The following AKAP1 variants were observed in gnomAD, a reference collection of about 807,000 sequenced individuals.
AKAP1 encodes the protein A-kinase anchor protein 1, mitochondrial.
AKAP1 carries 32 observed loss-of-function variants against 79.8 expected under a neutral mutation model. The ratio of observed to expected loss-of-function variants is 0.40; its 90% CI spans 0.30 to 0.54. AKAP1 has a LOEUF of 0.54. Among genes scored for constraint, AKAP1 ranks in the 20% least tolerant of loss-of-function variants. The probability of loss-of-function intolerance (pLI) is 0.47; values close to 1 mark genes in which losing one functional copy is unlikely to be tolerated. For missense variants in AKAP1, 961 were observed against 1,138.9 expected (o/e 0.84, Z 2.25); for synonymous variants, 416 against 466.7 (o/e 0.89, Z 1.40).
At chr17:57,116,084 C>G (rs778148349) in intron 6 of AKAP1, 27 bp from the exon 7 acceptor site, 2 of 1,606,388 alleles carry the variant, frequency 1.2e-6, no homozygotes, top group South Asian at 1.1e-5. Flanking sequence ...CCCAGGCGTT[C>G]CACGCACTCT....
In AKAP1 at chr17:57,106,094, G is replaced by T; in HGVS notation, c.630G>T (p.Leu210Phe). The change falls in exon 2 of 11, where the codon TTG (leucine) becomes TTT (phenylalanine). Residue 210 changes from leucine to phenylalanine, a missense_variant. Physicochemically the swap from Leu to Phe is conservative, Grantham distance 22. This residue lies in a region of AKAP1 where 224 missense variants were observed against 210.2 expected (regional missense o/e 1.07). Coordinates refer to ENST00000337714, the MANE Select transcript of AKAP1 (RefSeq NM_003488.4). ...GGAEGTGDAV[L>F]GEKVLEEALL... is the part of the protein sequence containing the mutation. ...CCGAAGGGACTGGTGATGCCGTGTT[G>T]GGGGAAAAGGTGCTTGAAGAAGCTC... 6.2e-7 allele frequency: 1 copy of T among 1,605,658 alleles called. No individual in the cohort carries two copies. Among genetic ancestry groups the T allele is most frequent in the Non-Finnish European group, 8.5e-7 (1 of 1,175,088 alleles).
At chr17:57,089,774 C>A (rs1286826344) in intron 1 of AKAP1, among the ~76,000 whole-genome samples, 1 of 152,146 alleles carries the variant, frequency 6.6e-6, no homozygotes, top group Non-Finnish European at 1.5e-5. Flanking sequence ...TCTAGTCTGC[C>A]AGTTGGGAGT....
chr17:57,104,244 G>T (rs534259202), intron 1 of AKAP1, among the ~76,000 whole-genome samples: 1 of 152,268 alleles, frequency 6.6e-6, no homozygotes, highest in East Asian at 1.9e-4. Flanking sequence ...TCAGGCTTCA[G>T]GCATGAGCCA....
At chr17:57,093,840 A>T (rs1281790404) in intron 1 of AKAP1, 1 of 130,256 alleles carries the variant, frequency 7.7e-6, no homozygotes, top group Admixed American at 9.2e-5. Flanking sequence ...TTTCTTTTTA[A>T]GGATTATTAT....
rs371777439 is a variant in AKAP1 at position 57,106,154 on chromosome 17, C to T, written c.690C>T (p.Asn230=). The T allele has an allele frequency of 2.4e-5, 39 of 1,610,296 alleles. No individual in the cohort carries two copies. The highest frequency in any genetic ancestry group is 3.1e-5 in the Non-Finnish European group (36 of 1,177,676). The change falls in exon 2 of 11, where the codon AAC becomes AAT. Residue 230 remains asparagine (N), a synonymous_variant. Coordinates refer to ENST00000337714, the MANE Select transcript of AKAP1 (RefSeq NM_003488.4). ...GGGAGCATGTCTTGGAATTGGAGAA[C>T]AGCAAGGGCCCCAGCCTGGCCTCTT... ...LSREHVLELE[N]SKGPSLASLE... is the part of the protein sequence containing the mutation.
chr17:57,090,564 A>G (rs917652930), intron 1 of AKAP1, among the ~76,000 whole-genome samples: 1 of 151,930 alleles, frequency 6.6e-6, no homozygotes, highest in African/African-American at 2.4e-5. Context: ...AGGAAACTAA[A>G]CTGGGTTTTA....
chr17:57,106,987 C>T lies in AKAP1; in HGVS notation c.1523C>T (p.Ser508Leu). The T allele has an allele frequency of 6.2e-7, 1 of 1,614,194 alleles. No homozygotes were observed. The highest frequency in any genetic ancestry group is 1.1e-5 in the South Asian group (1 of 91,084). ...VPLVASPGHC[S>L]DSFSTSGLED... ...TTGGTGGCTTCTCCAGGACACTGCT[C>T]AGATTCTTTCAGCACTTCAGGGCTT... Residue 508 changes from serine to leucine, a missense_variant, in exon 2 of 11, where the codon TCA becomes TTA. Around this residue, in one of 3 missense-constraint regions of AKAP1, gnomAD observed 629 missense variants for 781.1 expected, o/e 0.81. Transcript: ENST00000337714.
intron 2 of AKAP1, 144 bp downstream of exon 2, chr17:57,107,322 G>A: frequency 8.7e-7 from 1 of 1,152,864 alleles, no homozygotes; most frequent in African/African-American, 1.5e-5. Flanking sequence ...GCAGAGGTCT[G>A]GACACGGCGT....
rs1156999780 is a variant in AKAP1, at chr17:57,120,740, A to G, written c.*416A>G. Reference sequence around the variant, plus strand: ...TTGAGAGGGTTTCTTTTACTTCAAAATCTTTCTTCAGGGAGCAAGACATGA... The same window carrying G: ...TTGAGAGGGTTTCTTTTACTTCAAAGTCTTTCTTCAGGGAGCAAGACATGA... On this transcript the variant is annotated 3_prime_UTR_variant, in exon 11 of 11. Coordinates refer to ENST00000337714, the MANE Select transcript of AKAP1 (RefSeq NM_003488.4). The G allele has an allele frequency of 1.9e-5, 3 of 160,044 alleles. No individual in the cohort carries two copies. The highest frequency in any genetic ancestry group is 1.8e-4 in the Admixed American group (3 of 16,390). The allele number at this position is 160,044 out of a possible 1,614,324, so 9.9% of individuals were successfully genotyped here.
chr17:57,091,394 T>C (rs1913774033), intron 1 of AKAP1, among the ~76,000 whole-genome samples: 1 of 151,476 alleles, frequency 6.6e-6, no homozygotes, highest in Non-Finnish European at 1.5e-5. Flanking sequence ...CTGTCTCTGC[T>C]GCCACCGCCT....
chr17:57,091,832 G>A (rs963208147), intron 1 of AKAP1, among the ~76,000 whole-genome samples: 1 of 152,024 alleles, frequency 6.6e-6, no homozygotes, highest in Non-Finnish European at 1.5e-5. Context: ...GGGACTATAG[G>A]TGCACATCAT....
At chr17:57,119,541 C>A (rs1481406510) in intron 10 of AKAP1, among the ~76,000 whole-genome samples, 3 of 152,020 alleles carry the variant, frequency 2.0e-5, no homozygotes, top group Non-Finnish European at 1.5e-5. Flanking sequence ...TGGCGAAACC[C>A]CCATCTCTAC....
Position 57,111,877 on chromosome 17 carries a change from T to C in AKAP1, c.1928T>C (p.Ile643Thr). The change falls in exon 4 of 11, where the codon ATT becomes ACT. Residue 643 changes from isoleucine to threonine, a missense_variant. This residue lies in a region of AKAP1 where 629 missense variants were observed against 781.1 expected (regional missense o/e 0.81). Transcript: ENST00000337714. ...LKQTSGAKIYISTLPYTQSVQ... is the reference protein window; with the variant it reads ...LKQTSGAKIYTSTLPYTQSVQ... ...CAAACATCTGGTGCCAAGATCTACA[T>C]TTCAACCCTGCCTTACACCCAGAGC... The C allele has an allele frequency of 1.2e-6, 2 of 1,613,504 alleles. No individual in the cohort carries two copies. The highest frequency in any genetic ancestry group is 1.7e-6 in the Non-Finnish European group (2 of 1,179,840).
rs59444007 is a variant in AKAP1, at chr17:57,111,682, C to T, written c.1849-116C>T. On this transcript the variant is annotated intron_variant, in intron 3 of 10. Transcript: ENST00000337714. The stretch of plus-strand genomic sequence containing the variant: ...AATAGTCCTGGAAAATAAATGCTGA[C>T]ATGGTAACAGCTAATATGTTTGAGC... The T allele has an allele frequency of 7.2e-4, 920 of 1,285,786 alleles. 1 individual carries two copies. The African/African-American group carries it at 7.9e-3, about 11-fold the overall frequency. 79.6% of individuals were successfully genotyped at this position (1,285,786 alleles called of 1,614,324 possible). A position where few individuals can be genotyped will look rare whatever the true frequency, so the allele number is the denominator to read the frequency against.
At chr17:57,085,514 C>G (rs1035490435) in intron 1 of AKAP1, 116 bp downstream of exon 1, 5 of 152,106 alleles carry the variant, frequency 3.3e-5, no homozygotes, top group Non-Finnish European at 7.3e-5. Context: ...TCCAGGTACC[C>G]CGGGGGCGGG....
rs772687720 is a variant in AKAP1 at position 57,106,323 on chromosome 17, G to C, written c.859G>C (p.Ala287Pro). ...GCTGGCAAAGGACGATGCGGCGCCA[G>C]CACCCCCAGTCGCAGACGCCAAAGC... ...TELAKDDAAP[A>P]PPVADAKAQD... is the part of the protein sequence containing the mutation. Residue 287 changes from alanine (A) to proline (P), a missense_variant, in exon 2 of 11, where the codon GCA (alanine) becomes CCA (proline). Physicochemically the swap from Ala to Pro is conservative, Grantham distance 27. Around this residue, in one of 3 missense-constraint regions of AKAP1, gnomAD observed 224 missense variants for 210.2 expected, o/e 1.07. Transcript: ENST00000337714. 3.1e-6 allele frequency: 5 copies of C among 1,614,182 alleles called. No homozygotes were observed. In the Admixed American group the frequency reaches 8.3e-5, roughly 27 times the overall value.
In AKAP1 at chr17:57,086,551, CCT is replaced by C. The variant is rs973580978; in HGVS notation, c.-25+1157_-25+1158del. The C allele has an allele frequency of 4.7e-6, 2 of 427,764 alleles. No homozygotes were observed. The highest frequency in any genetic ancestry group is 4.1e-5 in the African/African-American group (2 of 48,898). 26.5% of individuals were successfully genotyped at this position (427,764 alleles called of 1,614,324 possible). A position where few individuals can be genotyped will look rare whatever the true frequency, so the allele number is the denominator to read the frequency against. ...ACTTCGCTCCAGGTGCGAGTCGAGG[CCT>C]CTCAAGCTGGGTAGGGTGTATGCGC... On this transcript the variant is annotated intron_variant, in intron 1 of 10. Transcript: ENST00000337714. This position sits in a 1 kb window ranked among gnomAD's most constrained non-coding sequence, Gnocchi z 5.1.
chr17:57,114,973 C>A (rs1272518917), intron 6 of AKAP1, among the ~76,000 whole-genome samples: 5 of 151,644 alleles, frequency 3.3e-5, no homozygotes, highest in Non-Finnish European at 7.4e-5. Flanking sequence ...GGGGGTGATA[C>A]CCACTTGTTC....
At position 57,118,450 on chromosome 17, in the gene AKAP1, C is replaced by T. The variant is rs1344990754; in HGVS notation, c.2570C>T (p.Ala857Val). The T allele has an allele frequency of 6.2e-7, 1 of 1,613,732 alleles. No homozygotes were observed. Among genetic ancestry groups the T allele is most frequent in the Non-Finnish European group, 8.5e-7 (1 of 1,179,888 alleles). The change falls in exon 9 of 11, where the codon GCT becomes GTT. Residue 857 changes from alanine (A) to valine (V), a missense_variant. This residue lies in a region of AKAP1 where 629 missense variants were observed against 781.1 expected (regional missense o/e 0.81). Transcript: ENST00000337714. ...SEMTGNTALL[A>V]QVTSYSPTGL... ...ATGACGGGGAATACAGCACTGCTTG[C>T]TCAGGTGTGTGGTTGGCAGGGGTGG...
Sources: allele counts gnomAD v4.1 joint callset (sites outside exome capture counted in the v4.1 genomes callset), GRCh38; gene constraint gnomAD v4.1.1; regional missense constraint gnomAD v4.1.1; non-coding constraint Gnocchi (gnomAD v3.1); transcripts MANE v1.5; gene names NCBI Gene and HGNC (gene_info 2026-07-23, HGNC 2026-07-21).